The following PAQR3 variants were observed in gnomAD, a reference collection of about 807,000 sequenced individuals.
PAQR3 encodes Raf kinase trapping to Golgi.
A neutral mutation model predicts 41.7 loss-of-function variants in PAQR3; 39 were observed. The observed-to-expected ratio is 0.93, with a 90% CI of 0.72 to 1.22. The LOEUF (loss-of-function observed/expected upper bound fraction) is 1.22. Ranked by LOEUF, PAQR3 falls within the 50% of genes most tolerant of loss-of-function variation. PAQR3 has a pLI of 0.00. For synonymous variants in PAQR3, 140 were observed against 140.6 expected (o/e 1.00, Z 0.03); for missense variants, 366 against 385.6 (o/e 0.95, Z 0.42).
intron 11 of PAQR3, among the ~76,000 whole-genome samples, chr4:78,904,646 T>C (rs1668901116): frequency 6.6e-6 from 1 of 151,912 alleles, no homozygotes; most frequent in African/African-American, 2.4e-5. Context: ...CCTCAAAAGA[T>C]GGGGATTTGC....
chr4:78,927,321 G>GAGGA (rs768168204), intron 3 of PAQR3, among the ~76,000 whole-genome samples: 1 of 152,222 alleles, frequency 6.6e-6, no homozygotes, highest in Non-Finnish European at 1.5e-5. Flanking sequence ...ACTGGCACTG[G>GAGGA]AGGAATAACA....
In PAQR3 at chr4:78,926,652, G is replaced by C; in HGVS notation, c.571C>G (p.His191Asp). 3.7e-6 allele frequency: 6 copies of C among 1,614,040 alleles called. No homozygotes were observed. The highest frequency in any genetic ancestry group is 5.1e-6 in the Non-Finnish European group (6 of 1,179,930). ...CATTGCTGCGTGAGGTAATTGGGAT[G>C]AATCTGCGCAAAGAACACTGCCAGG... Reference protein sequence around the residue: ...MILAVFFAQIHPNYLTQQWQR... With the variant: ...MILAVFFAQIDPNYLTQQWQR... Residue 191 changes from histidine (H) to aspartate (D), a missense_variant, in exon 4 of 6, where the codon CAT becomes GAT. By Grantham distance (81) the His-to-Asp change is moderately conservative. Coordinates refer to ENST00000512733, the MANE Select transcript of PAQR3 (RefSeq NM_001040202.2).
intron 11 of PAQR3, among the ~76,000 whole-genome samples, chr4:78,889,957 A>G (rs561681917): frequency 6.6e-6 from 1 of 152,348 alleles, no homozygotes; most frequent in South Asian, 2.1e-4. Context: ...TCCTGAATCT[A>G]GTGTTCCTTA....
In PAQR3 at chr4:78,916,474, T is replaced by C. The variant is rs1169038966; in HGVS notation, c.*4065A>G. 2 of 151,938 alleles carry C rather than the reference T, an allele frequency of 1.3e-5. No individual in the cohort carries two copies. Among genetic ancestry groups the C allele is most frequent in the Admixed American group, 6.6e-5 (1 of 15,198 alleles). The allele number at this position is 151,938 out of a possible 1,614,324, so 9.4% of individuals were successfully genotyped here. On this transcript the variant is annotated 3_prime_UTR_variant, in exon 6 of 6. Transcript: ENST00000512733. ...CACCACAAACATTAAGCACCTATTA[T>C]GTAGCAGCTAGTGGAATAGAAAAGT...
At chr4:78,904,461 T>C (rs938944107) in intron 11 of PAQR3, among the ~76,000 whole-genome samples, 2 of 151,968 alleles carry the variant, frequency 1.3e-5, no homozygotes, top group African/African-American at 4.8e-5. Flanking sequence ...TTTTTTGCAA[T>C]ACTTGTAATT....
intron 12 of PAQR3, chr4:78,887,435 ATGT>A: frequency 1.6e-6 from 1 of 638,672 alleles, no homozygotes; most frequent in Non-Finnish European, 2.7e-6. Context: ...CTTCTTAATG[ATGT>A]TCTTTGCATT....
chr4:78,923,713 T>C (rs1735895879), intron 5 of PAQR3, 144 bp downstream of exon 5: 1 of 683,252 alleles, frequency 1.5e-6, no homozygotes, highest in Non-Finnish European at 2.6e-6. Context: ...CCTTTGAAAG[T>C]TTTAGGTAAC....
At position 78,893,507 on chromosome 4, in the gene PAQR3, A is replaced by G. The variant is rs1733549429; in HGVS notation, c.*837-5359T>C. ...TTCAGGTTTTCAGTTTACTTTGCAC[A>G]GATTCATGAGAGAATTCACTATCTG... On this transcript the variant is annotated intron_variant and NMD_transcript_variant, in intron 11 of 12. Transcript: ENST00000342820. Among the ~76,000 whole-genome samples the G allele has an allele frequency of 4.6e-5, 7 of 152,238 alleles. 1 individual carries two copies. In the South Asian group the frequency reaches 1.4e-3, roughly 32 times the overall value.
At chr4:78,925,705 A>T (rs1290076301) in intron 4 of PAQR3, among the ~76,000 whole-genome samples, 1 of 152,136 alleles carries the variant, frequency 6.6e-6, no homozygotes, top group African/African-American at 2.4e-5. Context: ...CAAAGGTACC[A>T]TTGCAATGAG....
chr4:78,927,070 A>G (rs1250302092), intron 3 of PAQR3, among the ~76,000 whole-genome samples: 1 of 152,238 alleles, frequency 6.6e-6, no homozygotes, highest in African/African-American at 2.4e-5. Context: ...GCAGAATGTG[A>G]ACAAAAGATT....
chr4:78,898,441 G>C (rs909159038), intron 11 of PAQR3, among the ~76,000 whole-genome samples: 3 of 151,562 alleles, frequency 2.0e-5, no homozygotes, highest in African/African-American at 7.3e-5. Flanking sequence ...GTTATATATT[G>C]AATTAAACTG....
rs1560572925 is a variant in PAQR3, at chr4:78,922,957, T to C, written c.793+900A>G. On this transcript the variant is annotated intron_variant, in intron 5 of 5. Transcript: ENST00000512733. The stretch of plus-strand genomic sequence containing the variant: ...TTGTTCACTCCACCCAGTGTCCTCT[T>C]AGTTATTTTCCATCTGAAAATATTT... 3 of 456,172 alleles carry C rather than the reference T, an allele frequency of 6.6e-6. No individual in the cohort carries two copies. In the Admixed American group the frequency reaches 7.1e-5, roughly 11 times the overall value. The allele number at this position is 456,172 out of a possible 1,614,324, so 28.3% of individuals were successfully genotyped here.
rs57941709 is a variant in PAQR3, at chr4:78,916,519, T to G, written c.*4020A>C. 1.2e-3 allele frequency: 189 copies of G among 151,972 alleles called. No homozygotes were observed. The highest frequency in any genetic ancestry group is 4.4e-3 in the African/African-American group (183 of 41,542). The allele number at this position is 151,972 out of a possible 1,614,324, so 9.4% of individuals were successfully genotyped here. On this transcript the variant is annotated 3_prime_UTR_variant, in exon 6 of 6. Transcript: ENST00000512733. ...AAAAGTTGCTAAGATTAGATCCCTA[T>G]TCTTAAGGAGCTCAGAGTTTACAAT...
chr4:78,894,310 C>A (rs1433177009), intron 11 of PAQR3, among the ~76,000 whole-genome samples: 2 of 152,212 alleles, frequency 1.3e-5, no homozygotes, highest in African/African-American at 4.8e-5. Flanking sequence ...TAGATGGCAT[C>A]TTCCAATAGA....
intron 11 of PAQR3, among the ~76,000 whole-genome samples, chr4:78,892,119 G>A (rs1733472094): frequency 2.0e-5 from 3 of 152,098 alleles, no homozygotes; most frequent in Non-Finnish European, 4.4e-5. Context: ...AAATGAGTTG[G>A]GAAATGTTAC....
rs1415037087 is a variant in PAQR3 at position 78,939,367 on chromosome 4, G to A, written c.-143C>T. ...TACCGCGCTGCCGCTGCTGCCCAGG[G>A]CCCGGCTCTGCGCTCACACCGGCCA... On this transcript the variant is annotated 5_prime_UTR_variant, in exon 1 of 6. Transcript: ENST00000512733. 8.0e-6 allele frequency: 5 copies of A among 623,030 alleles called. No individual in the cohort carries two copies. The highest frequency in any genetic ancestry group is 8.6e-5 in the East Asian group (2 of 23,156). The allele number at this position is 623,030 out of a possible 1,614,324, so 38.6% of individuals were successfully genotyped here. A position where few individuals can be genotyped will look rare whatever the true frequency, so the allele number is the denominator to read the frequency against.
chr4:78,930,187 C>T lies in PAQR3; in HGVS notation c.487G>A (p.Ala163Thr), dbSNP rs372568354. The change falls in exon 3 of 6, where the codon GCA becomes ACA. Residue 163 changes from alanine to threonine, a missense_variant. Coordinates refer to ENST00000512733, the MANE Select transcript of PAQR3 (RefSeq NM_001040202.2). ...CTACTTACGTTATTACAATAAAATG[C>T]GTAAAATACTCCTGAGACATAGCAG... ...LGCYVSGVFY[A>T]FYCNNYWRQV... 8.7e-6 allele frequency: 14 copies of T among 1,609,252 alleles called. No individual in the cohort carries two copies. The highest frequency in any genetic ancestry group is 2.7e-5 in the African/African-American group (2 of 74,588).
intron 11 of PAQR3, among the ~76,000 whole-genome samples, chr4:78,897,196 A>C (rs959121896): frequency 1.3e-5 from 2 of 151,708 alleles, no homozygotes; most frequent in African/African-American, 4.9e-5. Context: ...TGTTTTTTTG[A>C]TTTTTTTAAG....
Position 78,930,207 on chromosome 4 carries a change from T to C in PAQR3, c.467A>G (p.Tyr156Cys), listed in dbSNP as rs973126297. 1.9e-6 allele frequency: 3 copies of C among 1,613,372 alleles called. No homozygotes were observed. Among genetic ancestry groups the C allele is most frequent in the Non-Finnish European group, 2.5e-6 (3 of 1,179,738 alleles). Residue 156 changes from tyrosine (Y) to cysteine (C), a missense_variant, in exon 3 of 6, where the codon TAT (tyrosine) becomes TGT (cysteine). Tyr to Cys is a radical substitution (Grantham distance 194). Transcript: ENST00000512733. ...AGISIGILGC[Y>C]VSGVFYAFYC... The stretch of plus-strand genomic sequence containing the variant: ...AAATGCGTAAAATACTCCTGAGACA[T>C]AGCAGCCCAGTATTCCAATAGAAAT...
Sources: gnomAD v4.1 joint callset for allele counts (sites outside exome capture counted in the v4.1 genomes callset) on GRCh38, gnomAD v4.1.1 for gene constraint, MANE v1.5 for transcripts, NCBI Gene and HGNC (gene_info 2026-07-23, HGNC 2026-07-21) for gene names.